The following GALNT18 variants were observed in gnomAD, a reference collection of about 807,000 sequenced individuals.
GALNT18 encodes polypeptide N-acetylgalactosaminyltransferase 18, also known as GalNAc-transferase 18.
Under a neutral mutation model 69.5 loss-of-function variants are expected in GALNT18, and 44 were observed. The observed-to-expected ratio is 0.63, with a 90% CI of 0.50 to 0.81. The LOEUF (loss-of-function observed/expected upper bound fraction) is 0.81, where lower values mean the gene tolerates loss of function less well. Ranked by LOEUF, GALNT18 falls within the 40% of genes least tolerant of loss-of-function variation. GALNT18 has a pLI of 0.00. For synonymous variants in GALNT18, 364 were observed against 318.2 expected, an observed-to-expected ratio of 1.14 and a Z score of -1.53; for missense variants, 715 against 810.0, an observed-to-expected ratio of 0.88 and a Z score of 1.42.
Position 11,494,801 on chromosome 11 carries a change from G to A in GALNT18, c.236-45865C>T, listed in dbSNP as rs946710730. Among the ~76,000 whole-genome samples, 22 of 152,282 alleles carry A rather than the reference G, an allele frequency of 1.4e-4. No homozygotes were observed. The highest frequency in any genetic ancestry group is 5.1e-4 in the African/African-American group (21 of 41,566). ...CCCATCGTGCTATTATTCAAAGCTG[G>A]TGTAAGACTAATGTTCTCATTGGAG... is the stretch of plus-strand genomic sequence containing the variant. On this transcript the variant is annotated intron_variant, in intron 1 of 10. Coordinates refer to ENST00000227756, the MANE Select transcript of GALNT18 (RefSeq NM_198516.3). The surrounding 1 kb of genome is among the most constrained non-coding windows in gnomAD (Gnocchi z 5.7).
rs1859975541 is a variant in GALNT18 at position 11,613,854 on chromosome 11, G to A, written c.235+7505C>T. Among the ~76,000 whole-genome samples the A allele has an allele frequency of 6.6e-6, 1 of 152,130 alleles. No homozygotes were observed. Among genetic ancestry groups the A allele is most frequent in the African/African-American group, 2.4e-5 (1 of 41,408 alleles). On this transcript the variant is annotated intron_variant, in intron 1 of 10. Transcript: ENST00000227756. This position sits in a 1 kb window ranked among gnomAD's most constrained non-coding sequence, Gnocchi z 4.2. ...GTGTCATCCAACTTGTATGGCTTCT[G>A]CCCTTCCGCTTCATGCATAATTCCA...
chr11:11,293,510 C>A (rs931464083), intron 9 of GALNT18, among the ~76,000 whole-genome samples: 30 of 139,618 alleles, frequency 2.1e-4, no homozygotes, highest in Middle Eastern at 3.7e-3. Flanking sequence ...AAATTTATTT[C>A]TTCACCCAGT....
chr11:11,532,894 G>A (rs1857687122), intron 1 of GALNT18, among the ~76,000 whole-genome samples: 1 of 152,232 alleles, frequency 6.6e-6, no homozygotes, highest in Non-Finnish European at 1.5e-5. Context: ...CTATGCTGCT[G>A]ATGGAAACTA....
At chr11:11,369,403 C>T (rs551427825) in intron 6 of GALNT18, among the ~76,000 whole-genome samples, 6 of 152,326 alleles carry the variant, frequency 3.9e-5, no homozygotes, top group Admixed American at 2.0e-4. Flanking sequence ...ATCTCTACCT[C>T]CACCTTCTCA....
intron 6 of GALNT18, among the ~76,000 whole-genome samples, chr11:11,345,721 C>T (rs533883126): frequency 7.9e-5 from 12 of 152,154 alleles, no homozygotes; most frequent in Admixed American, 1.3e-4. Flanking sequence ...CCTGAGCTCT[C>T]GTAGACAGAG....
At chr11:11,570,642 C>T (rs1465953112) in intron 1 of GALNT18, among the ~76,000 whole-genome samples, 1 of 152,212 alleles carries the variant, frequency 6.6e-6, no homozygotes, top group Non-Finnish European at 1.5e-5. Flanking sequence ...GATTTATTTC[C>T]CTACTTACAC....
intron 9 of GALNT18, among the ~76,000 whole-genome samples, chr11:11,298,559 C>T (rs982926933): frequency 2.0e-4 from 30 of 152,274 alleles, no homozygotes; most frequent in African/African-American, 7.2e-4. Flanking sequence ...CTGCAGCTGC[C>T]CAGGCCCGGG....
rs116975170 is a variant in GALNT18, at chr11:11,356,671, C to T, written c.1093-15667G>A. 2.0e-3 allele frequency among the ~76,000 whole-genome samples: 299 copies of T among 152,242 alleles called. 7 individuals are homozygous for T. The East Asian group carries it at 0.047, about 24-fold the overall frequency. On this transcript the variant is annotated intron_variant, in intron 6 of 10. Coordinates refer to ENST00000227756, the MANE Select transcript of GALNT18 (RefSeq NM_198516.3). This position sits in a 1 kb window ranked among gnomAD's most constrained non-coding sequence, Gnocchi z 4.4. ...CTTCAGGTTGACTCCCCAAATCCTTCATCAATTGTTACCTCGTTTGTGCAT... is the reference window on the plus strand; with the variant it reads ...CTTCAGGTTGACTCCCCAAATCCTTTATCAATTGTTACCTCGTTTGTGCAT...
intron 9 of GALNT18, among the ~76,000 whole-genome samples, chr11:11,300,044 C>G (rs1029978648): frequency 6.6e-6 from 1 of 152,216 alleles, no homozygotes. Flanking sequence ...CAAGGAGGGC[C>G]TCCCAGGCAA....
Position 11,365,732 on chromosome 11 carries a change from T to C in GALNT18, c.1092+6783A>G, listed in dbSNP as rs1227932779. On this transcript the variant is annotated intron_variant, in intron 6 of 10. Transcript: ENST00000227756. ...ATTGTGGTTTTGATTTGCATTTCAA[T>C]AGAGAGTTTTTTCAAGTCTCATTTA... Among the ~76,000 whole-genome samples, 5 of 152,306 alleles carry C rather than the reference T, an allele frequency of 3.3e-5. No homozygotes were observed. The Middle Eastern group carries it at 0.01, about 311-fold the overall frequency.
At chr11:11,406,050 C>T (rs1234226661) in intron 3 of GALNT18, among the ~76,000 whole-genome samples, 6 of 152,234 alleles carry the variant, frequency 3.9e-5, no homozygotes, top group Admixed American at 3.3e-4. Context: ...CAAACAGCTA[C>T]ATGAGGATAA....
intron 1 of GALNT18, among the ~76,000 whole-genome samples, chr11:11,527,419 C>G (rs1857547534): frequency 6.6e-6 from 1 of 152,156 alleles, no homozygotes; most frequent in African/African-American, 2.4e-5. Flanking sequence ...CGGTACAAAA[C>G]AGGGACAATA....
chr11:11,611,448 C>T (rs977155001), intron 1 of GALNT18, among the ~76,000 whole-genome samples: 4 of 152,146 alleles, frequency 2.6e-5, no homozygotes, highest in Non-Finnish European at 4.4e-5. Flanking sequence ...AGCAAGTCAG[C>T]GTTCAAGAGC....
chr11:11,555,334 G>C lies in GALNT18; in HGVS notation c.235+66025C>G, dbSNP rs1166497194. On this transcript the variant is annotated intron_variant, in intron 1 of 10. Coordinates refer to ENST00000227756, the MANE Select transcript of GALNT18 (RefSeq NM_198516.3). This position sits in a 1 kb window ranked among gnomAD's most constrained non-coding sequence, Gnocchi z 4.7. ...AGCATTTTCCTGACACAGTGTAAACGTTTGCCAGAAACAGGCTTCTCATCT... is the reference window on the plus strand; with the variant it reads ...AGCATTTTCCTGACACAGTGTAAACCTTTGCCAGAAACAGGCTTCTCATCT... 2.0e-5 allele frequency among the ~76,000 whole-genome samples: 3 copies of C among 152,190 alleles called. No homozygotes were observed. The highest frequency in any genetic ancestry group is 7.2e-5 in the African/African-American group (3 of 41,442).
At chr11:11,449,735 G>A (rs189832729) in intron 1 of GALNT18, among the ~76,000 whole-genome samples, 2 of 152,316 alleles carry the variant, frequency 1.3e-5, no homozygotes, top group South Asian at 2.1e-4. Flanking sequence ...GCTCCACCAC[G>A]TCCTGGCTAC....
intron 10 of GALNT18, among the ~76,000 whole-genome samples, chr11:11,279,504 TAACTC>T: frequency 6.6e-6 from 1 of 152,250 alleles, no homozygotes; most frequent in East Asian, 1.9e-4. Flanking sequence ...AACCTGGAGA[TAACTC>T]AAACGTCCAT....
chr11:11,287,276 G>GGA (rs1849211843), intron 10 of GALNT18, among the ~76,000 whole-genome samples: 1 of 152,172 alleles, frequency 6.6e-6, no homozygotes, highest in South Asian at 2.1e-4. Flanking sequence ...GTGGGAGCTT[G>GGA]GAGGACCACA....
intron 1 of GALNT18, among the ~76,000 whole-genome samples, chr11:11,536,927 T>C (rs758968280): frequency 6.6e-6 from 1 of 152,250 alleles, no homozygotes; most frequent in Non-Finnish European, 1.5e-5. Flanking sequence ...TACCTAAGTT[T>C]CTTATTTAAT....
rs1231012952 is a variant in GALNT18, at chr11:11,584,399, G to T, written c.235+36960C>A. 6.6e-6 allele frequency among the ~76,000 whole-genome samples: 1 copy of T among 152,320 alleles called. No individual in the cohort carries two copies. The highest frequency in any genetic ancestry group is 2.4e-5 in the African/African-American group (1 of 41,554). On this transcript the variant is annotated intron_variant, in intron 1 of 10. Transcript: ENST00000227756. This position sits in a 1 kb window ranked among gnomAD's most constrained non-coding sequence, Gnocchi z 4.1. ...TAAACAGGAACCTTGGAGCCATCAGGTTACTGTTGGAAAGCTGATGGGAGA... is the reference window on the plus strand; with the variant it reads ...TAAACAGGAACCTTGGAGCCATCAGTTTACTGTTGGAAAGCTGATGGGAGA...
Sources: allele counts gnomAD v4.1 joint callset (sites outside exome capture counted in the v4.1 genomes callset), GRCh38; gene constraint gnomAD v4.1.1; non-coding constraint Gnocchi (gnomAD v3.1); transcripts MANE v1.5; gene names NCBI Gene and HGNC (gene_info 2026-07-23, HGNC 2026-07-21).